CLCA4: variants seen among roughly 807,000 people sequenced by gnomAD.
The protein encoded by CLCA4 is calcium-activated chloride channel regulator 4.
In CLCA4, 69 loss-of-function variants were observed where a neutral mutation model predicts 78.9. That is an observed-to-expected ratio of 0.87 (90% CI 0.72 to 1.07). CLCA4 has a LOEUF of 1.07. Among genes scored for constraint, CLCA4 ranks in the 50% least tolerant of loss-of-function variants. The pLI is 0.00. For missense variants in CLCA4, 1,133 were observed against 1,095.8 expected (o/e 1.03, Z -0.48); for synonymous variants, 362 against 375.8 (o/e 0.96, Z 0.42).
rs575473368 is a variant in CLCA4, at chr1:86,578,277, T to G, written c.2122+205T>G. On this transcript the variant is annotated intron_variant, in intron 12 of 13. Coordinates refer to ENST00000370563, the MANE Select transcript of CLCA4 (RefSeq NM_012128.4). ...TGGCACCTAGTAAGCACTCAAGCAC[T>G]CAAAAAAGGTCAATTATTCTTATTT... 1.3e-5 allele frequency among the ~76,000 whole-genome samples: 2 copies of G among 152,050 alleles called. 1 individual carries two copies. The highest frequency in any genetic ancestry group is 4.1e-4 in the South Asian group (2 of 4,828).
intron 3 of CLCA4, among the ~76,000 whole-genome samples, chr1:86,561,818 T>A (rs1272559287): frequency 6.6e-6 from 1 of 152,172 alleles, no homozygotes; most frequent in Non-Finnish European, 1.5e-5. Flanking sequence ...TACTGATAGG[T>A]CACCCCTTCT....
At chr1:86,558,021 T>C (rs1372277439) in intron 1 of CLCA4, among the ~76,000 whole-genome samples, 2 of 152,190 alleles carry the variant, frequency 1.3e-5, no homozygotes, top group African/African-American at 4.8e-5. Context: ...CCCTGCTTTT[T>C]TCTGCTTTGC....
chr1:86,580,477 T>A lies in CLCA4; in HGVS notation c.*132T>A. Reference sequence around the variant, plus strand: ...GATCATAAACTCATAAAAATAATTTTAAGATGTCGGAAAAGGATACTTTGA... The same window carrying A: ...GATCATAAACTCATAAAAATAATTTAAAGATGTCGGAAAAGGATACTTTGA... On this transcript the variant is annotated 3_prime_UTR_variant, in exon 14 of 14. Coordinates refer to ENST00000370563, the MANE Select transcript of CLCA4 (RefSeq NM_012128.4). 1 of 612,498 alleles carries A rather than the reference T, an allele frequency of 1.6e-6. No individual in the cohort carries two copies. Among genetic ancestry groups the A allele is most frequent in the Non-Finnish European group, 2.5e-6 (1 of 406,964 alleles). 37.9% of individuals were successfully genotyped at this position (612,498 alleles called of 1,614,324 possible).
At chr1:86,553,096 TG>T in intron 1 of CLCA4, 1 of 728,604 alleles carries the variant, frequency 1.4e-6, no homozygotes. Context: ...CCCTGCAGCC[TG>T]GGGTGTGCGC....
intron 9 of CLCA4, among the ~76,000 whole-genome samples, chr1:86,573,247 G>A (rs1344965860): frequency 6.6e-6 from 1 of 151,748 alleles, no homozygotes; most frequent in East Asian, 1.9e-4. Context: ...ACTTTTTTCG[G>A]TGGCTTTTTT....
rs1650184358 is a variant in CLCA4 at position 86,566,129 on chromosome 1, A to G, written c.954+109A>G. On this transcript the variant is annotated intron_variant, in intron 6 of 13. Transcript: ENST00000370563. The stretch of plus-strand genomic sequence containing the variant: ...TCTAAATTGCATGGTGGCATAAAGT[A>G]CCATCACTGCCCATGATCATGACTT... 4.9e-6 allele frequency: 4 copies of G among 822,302 alleles called. No individual in the cohort carries two copies. The South Asian group carries it at 9.1e-5, about 19-fold the overall frequency. 50.9% of individuals were successfully genotyped at this position (822,302 alleles called of 1,614,324 possible). A position where few individuals can be genotyped will look rare whatever the true frequency, so the allele number is the denominator to read the frequency against.
intron 8 of CLCA4, 61 bp downstream of exon 8, chr1:86,571,315 A>G (rs1271098381): frequency 2.7e-6 from 4 of 1,483,908 alleles, no homozygotes; most frequent in Non-Finnish European, 3.7e-6. Flanking sequence ...AAAGGCTGAC[A>G]GTTCAACAAC....
At chr1:86,552,348 G>A (rs1649689412) in intron 1 of CLCA4, among the ~76,000 whole-genome samples, 1 of 152,228 alleles carries the variant, frequency 6.6e-6, no homozygotes, top group South Asian at 2.1e-4. Flanking sequence ...GAGAGACGAA[G>A]GGCCCAGGGC....
chr1:86,568,930 G>T (rs959317325), intron 7 of CLCA4, among the ~76,000 whole-genome samples: 1 of 151,940 alleles, frequency 6.6e-6, no homozygotes, highest in Non-Finnish European at 1.5e-5. Context: ...CACTTATCAG[G>T]TTTGTGACCC....
At position 86,565,816 on chromosome 1, in the gene CLCA4, T is replaced by TA. The variant is rs1326681522; in HGVS notation, c.752dup (p.Asn251LysfsTer6). Reference sequence around the variant, plus strand: ...TAACCTTTTAGGTTGTTGAATTTTGTAACGAAAAAACCCATAATCAAGAAG... The same window carrying TA: ...TAACCTTTTAGGTTGTTGAATTTTGTAAACGAAAAAACCCATAATCAAGAAG... On this transcript the variant is annotated frameshift_variant, in exon 6 of 14. Coordinates refer to ENST00000370563, the MANE Select transcript of CLCA4 (RefSeq NM_012128.4). LOFTEE classifies it high-confidence loss of function. 6.6e-7 allele frequency: 1 copy of TA among 1,523,398 alleles called. No homozygotes were observed. Among genetic ancestry groups the TA allele is most frequent in the South Asian group, 1.3e-5 (1 of 75,824 alleles). The allele number at this position is 1,523,398 out of a possible 1,614,324, so 94.4% of individuals were successfully genotyped here. A position where few individuals can be genotyped will look rare whatever the true frequency, so the allele number is the denominator to read the frequency against.
intron 1 of CLCA4, 62 bp downstream of exon 1, chr1:86,547,340 CAT>C: frequency 4.0e-6 from 5 of 1,260,746 alleles, no homozygotes; most frequent in Non-Finnish European, 5.4e-6. Flanking sequence ...TTTTAATTGA[CAT>C]ATAATTGTAC....
At chr1:86,550,562 A>G (rs1190213376) in intron 1 of CLCA4, among the ~76,000 whole-genome samples, 1 of 151,936 alleles carries the variant, frequency 6.6e-6, no homozygotes, top group Admixed American at 6.5e-5. Context: ...ATGAAATACT[A>G]TAATCCACAT....
At chr1:86,556,081 A>G (rs575133957) in intron 1 of CLCA4, among the ~76,000 whole-genome samples, 1 of 152,316 alleles carries the variant, frequency 6.6e-6, no homozygotes, top group African/African-American at 2.4e-5. Flanking sequence ...GAAGCTATTC[A>G]TCAGCTGAGG....
intron 1 of CLCA4, among the ~76,000 whole-genome samples, chr1:86,558,209 CAT>C: frequency 6.6e-6 from 1 of 152,222 alleles, no homozygotes; most frequent in East Asian, 1.9e-4. Flanking sequence ...TTAATATAGA[CAT>C]GTGTGGATTT....
In CLCA4 at chr1:86,560,307, T is replaced by G. The variant is rs200396978; in HGVS notation, c.397T>G (p.Phe133Val). Reference protein sequence around the residue: ...ECGEKGEYIHFTPDLLLGKKQ... With the variant: ...ECGEKGEYIHVTPDLLLGKKQ... ...TGGAGAGAAAGGCGAATACATTCAC[T>G]TCACCCCTGACCTTCTACTTGGAAA... is the stretch of plus-strand genomic sequence containing the variant. The change falls in exon 3 of 14, where the codon TTC (phenylalanine) becomes GTC (valine). Residue 133 changes from phenylalanine (F) to valine (V), a missense_variant. Transcript: ENST00000370563. The G allele has an allele frequency of 2.4e-5, 39 of 1,614,044 alleles. No homozygotes were observed. In the East Asian group the frequency reaches 8.5e-4, roughly 35 times the overall value.
At chr1:86,579,645 A>G in intron 13 of CLCA4, 58 bp downstream of exon 13, 14 of 634,110 alleles carry the variant, frequency 2.2e-5, no homozygotes, top group Middle Eastern at 2.8e-4. Context: ...TTGCAAAAAC[A>G]GGGGTGTAAG....
At chr1:86,565,711 C>A (rs1650162816) in intron 5 of CLCA4, 91 bp from the exon 6 acceptor site, 1 of 740,566 alleles carries the variant, frequency 1.4e-6, no homozygotes, top group East Asian at 2.9e-5. Context: ...AACAACATAT[C>A]TGCAGAAGAC....
Position 86,577,997 on chromosome 1 carries a change from G to A in CLCA4, c.2047G>A (p.Gly683Arg). 4 of 1,612,786 alleles carry A rather than the reference G, an allele frequency of 2.5e-6. No homozygotes were observed. Among genetic ancestry groups the A allele is most frequent in the South Asian group, 1.1e-5 (1 of 91,030 alleles). Residue 683 changes from glycine to arginine, a missense_variant, in exon 12 of 14, where the codon GGA becomes AGA. Transcript: ENST00000370563. ...TAGCTTAAAAGTTCGGGCTCATGGAGGAGCAAACACTGCCAGGCTAAAATT... is the reference window on the plus strand; with the variant it reads ...TAGCTTAAAAGTTCGGGCTCATGGAAGAGCAAACACTGCCAGGCTAAAATT... Reference protein sequence around the residue: ...RYSLKVRAHGGANTARLKLRP... With the variant: ...RYSLKVRAHGRANTARLKLRP...
At chr1:86,560,133 A>G in intron 2 of CLCA4, 61 bp downstream of exon 2, 3 of 1,556,394 alleles carry the variant, frequency 1.9e-6, no homozygotes, top group Non-Finnish European at 2.6e-6. Context: ...TTTTTGCCAC[A>G]AATTATTTAA....
Sources: allele counts gnomAD v4.1 joint callset (sites outside exome capture counted in the v4.1 genomes callset), GRCh38; gene constraint gnomAD v4.1.1; transcripts MANE v1.5; gene names NCBI Gene and HGNC (gene_info 2026-07-23, HGNC 2026-07-21).